IL1RAP: variants seen among roughly 807,000 people sequenced by gnomAD.
The protein encoded by IL1RAP is interleukin-1 receptor accessory protein.
A neutral mutation model predicts 60.7 loss-of-function variants in IL1RAP; 35 were observed. The observed-to-expected ratio is 0.58, with a 90% CI of 0.44 to 0.76. The LOEUF is 0.76. IL1RAP is among the 30% of genes least tolerant of loss of function. IL1RAP has a pLI of 0.00. For missense variants in IL1RAP, 572 were observed against 693.9 expected, an observed-to-expected ratio of 0.82 and a Z score of 1.97; for synonymous variants, 268 against 250.9, an observed-to-expected ratio of 1.07 and a Z score of -0.64.
intron 6 of IL1RAP, among the ~76,000 whole-genome samples, chr3:190,621,286 C>T (rs1420412993): frequency 6.6e-6 from 1 of 152,158 alleles, no homozygotes. Flanking sequence ...AGGGCTTTTT[C>T]TACTGGTCTG....
At chr3:190,588,769 C>A (rs1307150084) in intron 3 of IL1RAP, among the ~76,000 whole-genome samples, 1 of 152,120 alleles carries the variant, frequency 6.6e-6, no homozygotes, top group Non-Finnish European at 1.5e-5. Flanking sequence ...TTGTAGTTTT[C>A]TCTTTCCCAA....
At chr3:190,640,427 A>G (rs930101258) in intron 9 of IL1RAP, among the ~76,000 whole-genome samples, 1 of 152,236 alleles carries the variant, frequency 6.6e-6, no homozygotes, top group Non-Finnish European at 1.5e-5. Flanking sequence ...CCAAATCAGT[A>G]ACATCTGCGA....
chr3:190,599,706 T>TTG (rs1729692691), intron 3 of IL1RAP, among the ~76,000 whole-genome samples: 1 of 151,352 alleles, frequency 6.6e-6, no homozygotes, highest in East Asian at 1.9e-4. Context: ...TTTGGGTTTT[T>TTG]TTTTTTTTTT....
In IL1RAP at chr3:190,623,397, G is replaced by A; in HGVS notation, c.757G>A (p.Val253Ile). ...GATCCATTCACCTAATGATCATGTG[G>A]TCTATGAGAAAGAACCAGGTAATTA... ...PVIHSPNDHV[V>I]YEKEPGEELL... The change falls in exon 7 of 12, where the codon GTC (valine) becomes ATC (isoleucine). Residue 253 changes from valine to isoleucine, a missense_variant. Physicochemically the swap from Val to Ile is conservative, Grantham distance 29. Transcript: ENST00000447382. The A allele has an allele frequency of 6.2e-7, 1 of 1,612,752 alleles. No individual in the cohort carries two copies. Among genetic ancestry groups the A allele is most frequent in the Non-Finnish European group, 8.5e-7 (1 of 1,178,884 alleles).
rs1200775636 is a variant in IL1RAP, at chr3:190,572,859, GT to G, written c.64+8528del. Among the ~76,000 whole-genome samples the G allele has an allele frequency of 5.6e-3, 220 of 39,040 alleles. 2 individuals carry two copies. The highest frequency in any genetic ancestry group is 0.015 in the South Asian group (10 of 674). The allele number at this position is 39,040 out of a possible 152,430, so 25.6% of individuals were successfully genotyped here. On this transcript the variant is annotated intron_variant, in intron 3 of 11. Transcript: ENST00000447382. The stretch of plus-strand genomic sequence containing the variant: ...TCAGCATGTCCAGGGTTAATGCTTT[GT>G]TTTTTTTTTTTTTTTTTTTTTGAGA...
chr3:190,626,823 C>T (rs184169429), intron 7 of IL1RAP, among the ~76,000 whole-genome samples: 1 of 151,860 alleles, frequency 6.6e-6, no homozygotes, highest in Admixed American at 6.6e-5. Context: ...GGCGGTGCCA[C>T]CATGCCCGGC....
chr3:190,516,707 C>T (rs892188603), intron 1 of IL1RAP, among the ~76,000 whole-genome samples: 4 of 147,730 alleles, frequency 2.7e-5, no homozygotes, highest in Non-Finnish European at 5.9e-5. Flanking sequence ...TTTGAAGTTT[C>T]TGTTTTATCC....
At chr3:190,617,583 ATTTCT>A (rs1464712090) in intron 5 of IL1RAP, among the ~76,000 whole-genome samples, 7 of 152,164 alleles carry the variant, frequency 4.6e-5, no homozygotes, top group African/African-American at 1.7e-4. Flanking sequence ...CTGTTCACTC[ATTTCT>A]TATATTTTAA....
downstream of IL1RAP, among the ~76,000 whole-genome samples, chr3:190,655,558 C>CGTGTGTGTGT (rs34341875): frequency 5.0e-3 from 655 of 131,138 alleles, 9 homozygotes; most frequent in South Asian, 0.013. Context: ...AATTGCCCAC[C>CGTGTGTGTGT]GTGTGTGTGT....
At chr3:190,528,193 T>C (rs1036028046) in intron 1 of IL1RAP, among the ~76,000 whole-genome samples, 2 of 152,200 alleles carry the variant, frequency 1.3e-5, no homozygotes, top group African/African-American at 4.8e-5. Context: ...CAGACTGATA[T>C]ACTGTTAAAT....
chr3:190,627,259 GTT>G, intron 7 of IL1RAP, 62 bp from the exon 8 acceptor site: 1 of 28,332 alleles, frequency 3.5e-5, no homozygotes, highest in African/African-American at 3.1e-3. Flanking sequence ...TTTGTTTTTT[GTT>G]TTGTTTTGTT....
At chr3:190,595,420 C>T (rs1367624879) in intron 3 of IL1RAP, among the ~76,000 whole-genome samples, 1 of 152,174 alleles carries the variant, frequency 6.6e-6, no homozygotes, top group Admixed American at 6.5e-5. Context: ...ATATTGATTT[C>T]CTCCTTGTCT....
At chr3:190,639,715 C>T (rs1324744502) in intron 9 of IL1RAP, among the ~76,000 whole-genome samples, 2 of 152,030 alleles carry the variant, frequency 1.3e-5, no homozygotes, top group Admixed American at 6.6e-5. Context: ...TTCTGAATTT[C>T]GTAAGACAGT....
chr3:190,561,832 G>A (rs1361708940), intron 2 of IL1RAP, among the ~76,000 whole-genome samples: 1 of 152,170 alleles, frequency 6.6e-6, no homozygotes, highest in Non-Finnish European at 1.5e-5. Flanking sequence ...AAGCTAGGAA[G>A]ATAGCAATTA....
intron 2 of IL1RAP, among the ~76,000 whole-genome samples, chr3:190,557,350 A>G (rs1264551235): frequency 6.6e-6 from 1 of 152,224 alleles, no homozygotes; most frequent in Non-Finnish European, 1.5e-5. Context: ...TATTCAAAAT[A>G]TTAAAGCACA....
At chr3:190,640,508 G>A (rs529845800) in intron 9 of IL1RAP, among the ~76,000 whole-genome samples, 41 of 152,290 alleles carry the variant, frequency 2.7e-4, no homozygotes, top group South Asian at 6.2e-4. Flanking sequence ...CAACTCAGGA[G>A]AATGGTCATT....
chr3:190,639,166 C>T (rs1335063639), intron 9 of IL1RAP, among the ~76,000 whole-genome samples: 3 of 151,938 alleles, frequency 2.0e-5, no homozygotes, highest in African/African-American at 7.2e-5. Context: ...TTATATTTTT[C>T]CTTTACTGTG....
intron 2 of IL1RAP, among the ~76,000 whole-genome samples, chr3:190,559,783 C>T (rs1005077185): frequency 1.3e-5 from 2 of 152,146 alleles, no homozygotes; most frequent in African/African-American, 4.8e-5. Flanking sequence ...ATTTATGATA[C>T]ATGATACGGT....
intron 1 of IL1RAP, among the ~76,000 whole-genome samples, chr3:190,527,783 G>A (rs1197968721): frequency 2.2e-5 from 3 of 135,178 alleles, no homozygotes; most frequent in African/African-American, 8.6e-5. Context: ...CAGATGTTTC[G>A]ATATTCCTGA....
Sources: allele counts gnomAD v4.1 joint callset (sites outside exome capture counted in the v4.1 genomes callset), GRCh38; gene constraint gnomAD v4.1.1; transcripts MANE v1.5; gene names NCBI Gene and HGNC (gene_info 2026-07-23, HGNC 2026-07-21).